The following BRF1 variants were observed in gnomAD, a reference collection of about 807,000 sequenced individuals.
BRF1 encodes BRF1 general transcription factor IIIB subunit.
Under a neutral mutation model 81.7 loss-of-function variants are expected in BRF1, and 59 were observed. The ratio of observed to expected loss-of-function variants is 0.72; its 90% confidence interval spans 0.59 to 0.90. BRF1 has a LOEUF of 0.90. Among genes scored for constraint, BRF1 ranks in the 40% least tolerant of loss-of-function variants. The pLI, the probability that BRF1 is intolerant of heterozygous loss-of-function variation, is 0.00. For synonymous variants in BRF1, 491 were observed against 395.6 expected (o/e 1.24, Z -2.86); for missense variants, 1,050 against 936.3 (o/e 1.12, Z -1.58).
intron 5 of BRF1, 180 bp downstream of exon 5, chr14:105,252,327 G>A (rs1249480414): frequency 8.3e-6 from 8 of 968,508 alleles, no homozygotes; most frequent in Non-Finnish European, 9.8e-6. Flanking sequence ...ACAACAGCGA[G>A]ACTGTGTCTT....
chr14:105,290,984 A>G (rs2057484160), intron 1 of BRF1, among the ~76,000 whole-genome samples: 1 of 152,116 alleles, frequency 6.6e-6, no homozygotes, highest in Non-Finnish European at 1.5e-5. Flanking sequence ...ATGAAAGAGG[A>G]AAGTGCCACC....
At chr14:105,294,475 C>T (rs147865995) in intron 1 of BRF1, among the ~76,000 whole-genome samples, 248 of 152,386 alleles carry the variant, frequency 1.6e-3, no homozygotes, top group African/African-American at 5.5e-3. Context: ...GGAAACCCTG[C>T]GTCTGCTGCC....
In BRF1 at chr14:105,226,420, G is replaced by A. The variant is rs587624355; in HGVS notation, c.916-130C>T. ...AGGGGTACGCAGCGATGGAGGTGGA[G>A]CTATGGGCCTGTGTCCCCCATGGGA... is the stretch of plus-strand genomic sequence containing the variant. On this transcript the variant is annotated intron_variant, in intron 8 of 17. Transcript: ENST00000547530. The A allele has an allele frequency of 4.0e-5, 59 of 1,461,086 alleles. 3 individuals carry two copies. The South Asian group carries it at 5.4e-4, about 13-fold the overall frequency. The allele number at this position is 1,461,086 out of a possible 1,614,324, so 90.5% of individuals were successfully genotyped here.
chr14:105,225,703 C>A (rs587693842), intron 10 of BRF1, among the ~76,000 whole-genome samples: 1 of 151,898 alleles, frequency 6.6e-6, no homozygotes, highest in Non-Finnish European at 1.5e-5. Context: ...GCTGGAGTGC[C>A]GTGGTGCGAT....
At chr14:105,229,296 G>A (rs937439071) in intron 6 of BRF1, among the ~76,000 whole-genome samples, 1 of 152,218 alleles carries the variant, frequency 6.6e-6, no homozygotes, top group Admixed American at 6.5e-5. Context: ...GGCCACAGCT[G>A]GCAGCTGACA....
At chr14:105,310,485 G>A (rs2058322790) in intron 1 of BRF1, among the ~76,000 whole-genome samples, 1 of 131,590 alleles carries the variant, frequency 7.6e-6, no homozygotes, top group Non-Finnish European at 1.5e-5. Flanking sequence ...AGCTGAGATG[G>A]CACCACTGCA....
chr14:105,270,197 G>A (rs1266171466), intron 3 of BRF1, among the ~76,000 whole-genome samples: 3 of 149,520 alleles, frequency 2.0e-5, no homozygotes, highest in Admixed American at 6.6e-5. Flanking sequence ...TTTTTGAGAC[G>A]GAGTCTCACT....
chr14:105,250,353 C>G (rs774729758), intron 5 of BRF1: 11 of 1,613,510 alleles, frequency 6.8e-6, no homozygotes, highest in South Asian at 1.1e-5. Context: ...GGCTCCAGCT[C>G]TGGGAAGGCT....
intron 3 of BRF1, among the ~76,000 whole-genome samples, chr14:105,268,856 G>A (rs1284904750): frequency 6.6e-6 from 1 of 152,206 alleles, no homozygotes; most frequent in African/African-American, 2.4e-5. Flanking sequence ...AGCTGTGCAG[G>A]CAGCAGGGCT....
chr14:105,243,348 G>A (rs1382142385), intron 5 of BRF1, among the ~76,000 whole-genome samples: 2 of 151,312 alleles, frequency 1.3e-5, no homozygotes, highest in Non-Finnish European at 2.9e-5. Context: ...TACTTGAAAG[G>A]CTGAGACTAC....
intron 5 of BRF1, among the ~76,000 whole-genome samples, chr14:105,252,229 C>T (rs967928497): frequency 1.1e-4 from 17 of 152,198 alleles, no homozygotes; most frequent in African/African-American, 4.1e-4. Flanking sequence ...AATCCCAGTG[C>T]TTTGGGAGGC....
intron 5 of BRF1, among the ~76,000 whole-genome samples, chr14:105,246,515 G>A (rs1032708787): frequency 5.9e-5 from 9 of 152,150 alleles, no homozygotes; most frequent in Non-Finnish European, 8.8e-5. Context: ...TGTCATCCAG[G>A]CTGGAGTGCA....
intron 15 of BRF1, among the ~76,000 whole-genome samples, chr14:105,216,773 C>A (rs955531960): frequency 6.6e-6 from 1 of 152,240 alleles, no homozygotes; most frequent in African/African-American, 2.4e-5. Flanking sequence ...CGCAAGAGAT[C>A]CCAAGAAGCA....
At chr14:105,219,397 AG>A (rs1195875020) in intron 12 of BRF1, 165 bp from the exon 13 acceptor site, 1 of 1,416,082 alleles carries the variant, frequency 7.1e-7, no homozygotes. Flanking sequence ...GCGCGGGGCG[AG>A]TTGGGGACCT....
chr14:105,229,310 G>T (rs201522072), intron 6 of BRF1, among the ~76,000 whole-genome samples: 1 of 151,404 alleles, frequency 6.6e-6, no homozygotes, highest in Admixed American at 6.6e-5. Context: ...GCTGACACAG[G>T]TTCACCAAGG....
intron 1 of BRF1, among the ~76,000 whole-genome samples, chr14:105,292,424 G>T (rs587682369): frequency 6.6e-6 from 1 of 152,038 alleles, no homozygotes; most frequent in African/African-American, 2.4e-5. Flanking sequence ...TGTTGCCCAC[G>T]CTGGTCTCAA....
chr14:105,314,982 A>G (rs1198285597), intron 1 of BRF1: 2 of 1,245,552 alleles, frequency 1.6e-6, no homozygotes, highest in Non-Finnish European at 2.1e-6. Flanking sequence ...GCCCGTGCCC[A>G]TGAACCTGTT....
Position 105,269,511 on chromosome 14 carries a change from G to A in BRF1, c.439+3210C>T, listed in dbSNP as rs767278549. 2.0e-5 allele frequency among the ~76,000 whole-genome samples: 3 copies of A among 152,166 alleles called. No individual in the cohort carries two copies. Among genetic ancestry groups the A allele is most frequent in the Non-Finnish European group, 4.4e-5 (3 of 68,026 alleles). ...CCACCAGGATCTAATTTTAGAATGC[G>A]TGGGGGACACGGGGTGGCTTCCTGG... is the stretch of plus-strand genomic sequence containing the variant. On this transcript the variant is annotated intron_variant, in intron 3 of 17. Transcript: ENST00000547530. This position sits in a 1 kb window ranked among gnomAD's most constrained non-coding sequence, Gnocchi z 5.0.
rs587620295 is a variant in BRF1, at chr14:105,271,233, C to G, written c.439+1488G>C. On this transcript the variant is annotated intron_variant, in intron 3 of 17. Coordinates refer to ENST00000547530, the MANE Select transcript of BRF1 (RefSeq NM_001519.4). The surrounding 1 kb of genome is among the most constrained non-coding windows in gnomAD (Gnocchi z 5.5). ...CAGAGAAGAAGGGAGACACATCTAA[C>G]GACGAATTCAACAGAAGCTCAGGAC... Among the ~76,000 whole-genome samples the G allele has an allele frequency of 5.3e-5, 8 of 152,200 alleles. No homozygotes were observed. Among genetic ancestry groups the G allele is most frequent in the African/African-American group, 1.2e-4 (5 of 41,450 alleles).
Sources: allele counts gnomAD v4.1 joint callset (sites outside exome capture counted in the v4.1 genomes callset), GRCh38; gene constraint gnomAD v4.1.1; non-coding constraint Gnocchi (gnomAD v3.1); transcripts MANE v1.5; gene names NCBI Gene and HGNC (gene_info 2026-07-23, HGNC 2026-07-21).